The following LANCL2 variants were observed in gnomAD, a reference collection of about 807,000 sequenced individuals.
LANCL2 encodes lanC-like protein 2.
In LANCL2, 33 loss-of-function variants were observed where a neutral mutation model predicts 56.9. The observed-to-expected ratio is 0.58, with a 90% CI of 0.44 to 0.78. The LOEUF (loss-of-function observed/expected upper bound fraction) is 0.78, where lower values mean the gene tolerates loss of function less well. LANCL2 is among the 30% of genes least tolerant of loss of function. The probability of loss-of-function intolerance (pLI) is 0.00; values close to 1 mark genes in which losing one functional copy is unlikely to be tolerated. For missense variants in LANCL2, 562 were observed against 580.2 expected, an observed-to-expected ratio of 0.97 and a Z score of 0.32; for synonymous variants, 233 against 228.2, an observed-to-expected ratio of 1.02 and a Z score of -0.19.
intron 1 of LANCL2, among the ~76,000 whole-genome samples, chr7:55,369,054 AG>A (rs1789907894): frequency 6.6e-6 from 1 of 152,214 alleles, no homozygotes; most frequent in African/African-American, 2.4e-5. Context: ...ATGGAGGCAG[AG>A]ATTGGAATTG....
chr7:55,395,106 A>T (rs1790235489), intron 2 of LANCL2, among the ~76,000 whole-genome samples: 1 of 152,238 alleles, frequency 6.6e-6, no homozygotes, highest in Non-Finnish European at 1.5e-5. Context: ...TAGCAAGAGG[A>T]CACTGTTGGG....
chr7:55,417,352 C>T (rs934358293), intron 6 of LANCL2, among the ~76,000 whole-genome samples: 1 of 151,992 alleles, frequency 6.6e-6, no homozygotes, highest in Non-Finnish European at 1.5e-5. Flanking sequence ...TTTATTTTTC[C>T]CATTTGATTG....
chr7:55,411,177 A>G (rs1266183760), intron 5 of LANCL2, among the ~76,000 whole-genome samples: 7 of 152,322 alleles, frequency 4.6e-5, no homozygotes, highest in African/African-American at 9.6e-5. Flanking sequence ...AGGTTTTTTC[A>G]TGGGAAGCTG....
chr7:55,427,217 A>T (rs1349287565), intron 7 of LANCL2, among the ~76,000 whole-genome samples: 1 of 152,240 alleles, frequency 6.6e-6, no homozygotes, highest in Non-Finnish European at 1.5e-5. Context: ...AAGCTTTCAA[A>T]TCATGCCTGG....
rs35907460 is a variant in LANCL2, at chr7:55,408,979, C to CA, written c.826-2913dup. 7.6e-3 allele frequency among the ~76,000 whole-genome samples: 884 copies of CA among 116,046 alleles called. 4 individuals are homozygous for CA. The highest frequency in any genetic ancestry group is 8.6e-3 in the Middle Eastern group (2 of 232). 76.1% of individuals were successfully genotyped at this position (116,046 alleles called of 152,430 possible). On this transcript the variant is annotated intron_variant, in intron 5 of 8. Coordinates refer to ENST00000254770, the MANE Select transcript of LANCL2 (RefSeq NM_018697.4). ...CCTGGGCGACAGTGAAACTCTGTCT[C>CA]AAAAAAAAAAAAAAAGAAAAGAAAA...
At chr7:55,373,482 A>G (rs1477930976) in intron 1 of LANCL2, among the ~76,000 whole-genome samples, 1 of 151,196 alleles carries the variant, frequency 6.6e-6, no homozygotes, top group East Asian at 1.9e-4. Context: ...GTGTGTGGAG[A>G]TGGGGTCCTG....
chr7:55,432,646 GC>G lies in LANCL2; in HGVS notation c.*1330del, dbSNP rs1790743016. The G allele has an allele frequency of 6.7e-6, 1 of 148,808 alleles. No individual in the cohort carries two copies. The highest frequency in any genetic ancestry group is 6.6e-5 in the Admixed American group (1 of 15,196). The allele number at this position is 148,808 out of a possible 1,614,324, so 9.2% of individuals were successfully genotyped here. Reference sequence around the variant, plus strand: ...CAGGGGGAGGCCTGAGCATTTCCCAGCCCCAGTGTCCACACCTCTCAGAAAA... The same window carrying G: ...CAGGGGGAGGCCTGAGCATTTCCCAGCCCAGTGTCCACACCTCTCAGAAAA... On this transcript the variant is annotated 3_prime_UTR_variant, in exon 9 of 9. Coordinates refer to ENST00000254770, the MANE Select transcript of LANCL2 (RefSeq NM_018697.4).
intron 2 of LANCL2, among the ~76,000 whole-genome samples, chr7:55,397,910 T>G (rs749494712): frequency 3.6e-4 from 55 of 152,176 alleles, no homozygotes; most frequent in Non-Finnish European, 6.0e-4. Context: ...AGTTCATTGG[T>G]CAGTTGTAGG....
At chr7:55,392,021 G>C (rs567741895) in intron 2 of LANCL2, 111 bp downstream of exon 2, 4 of 621,134 alleles carry the variant, frequency 6.4e-6, no homozygotes, top group African/African-American at 3.6e-5. Flanking sequence ...GGCCAGGCAC[G>C]GTGGCTGACG....
intron 3 of LANCL2, 93 bp downstream of exon 3, chr7:55,398,723 A>G: frequency 1.0e-6 from 1 of 989,412 alleles, no homozygotes; most frequent in East Asian, 2.6e-5. Context: ...TTTTCCATTC[A>G]TCCATTGTTG....
At chr7:55,372,751 G>T (rs1789957308) in intron 1 of LANCL2, among the ~76,000 whole-genome samples, 1 of 152,072 alleles carries the variant, frequency 6.6e-6, no homozygotes, top group African/African-American at 2.4e-5. Flanking sequence ...TATATTTTCA[G>T]TGGAATACAG....
intron 1 of LANCL2, among the ~76,000 whole-genome samples, chr7:55,371,784 A>G (rs893481404): frequency 2.6e-5 from 4 of 152,168 alleles, no homozygotes; most frequent in Admixed American, 6.5e-5. Flanking sequence ...AATTTTCCAT[A>G]TTTTTGTTTT....
At chr7:55,389,747 A>G (rs947480314) in intron 1 of LANCL2, among the ~76,000 whole-genome samples, 7 of 152,220 alleles carry the variant, frequency 4.6e-5, no homozygotes, top group African/African-American at 1.7e-4. Flanking sequence ...GTAGATAAGG[A>G]AAGAAGGAAA....
chr7:55,391,786 A>G lies in LANCL2; in HGVS notation c.205-7A>G, dbSNP rs750754122. The G allele has an allele frequency of 6.9e-7, 1 of 1,452,852 alleles. No individual in the cohort carries two copies. Among genetic ancestry groups the G allele is most frequent in the African/African-American group, 1.4e-5 (1 of 71,220 alleles). The allele number at this position is 1,452,852 out of a possible 1,614,324, so 90.0% of individuals were successfully genotyped here. ...AAGTTAAAGTTATCTCTTCTTTTGG[A>G]TCTCAGATCATTCATAATTTCATAA... On this transcript the variant is annotated splice_polypyrimidine_tract_variant and splice_region_variant and intron_variant, in intron 1 of 8. Coordinates refer to ENST00000254770, the MANE Select transcript of LANCL2 (RefSeq NM_018697.4).
intron 2 of LANCL2, among the ~76,000 whole-genome samples, chr7:55,397,901 GTTCA>G (rs1790274151): frequency 1.3e-5 from 2 of 151,902 alleles, no homozygotes; most frequent in Non-Finnish European, 2.9e-5. Context: ...TCACTCACCA[GTTCA>G]TTGGTCAGTT....
intron 1 of LANCL2, among the ~76,000 whole-genome samples, chr7:55,389,114 G>C (rs528337180): frequency 6.6e-6 from 1 of 152,158 alleles, no homozygotes; most frequent in Non-Finnish European, 1.5e-5. Flanking sequence ...CTAAGGAAGC[G>C]AATTTGATGT....
In LANCL2 at chr7:55,425,248, G is replaced by C. The variant is rs919257975; in HGVS notation, c.1009-6G>C. On this transcript the variant is annotated splice_polypyrimidine_tract_variant and splice_region_variant and intron_variant, in intron 6 of 8. Transcript: ENST00000254770. ...TTTAACACTGCTTTGTTTTTAATTTGCCCAGGTCTTTAAGGAGGAGAAGTA... is the reference window on the plus strand; with the variant it reads ...TTTAACACTGCTTTGTTTTTAATTTCCCCAGGTCTTTAAGGAGGAGAAGTA... The C allele has an allele frequency of 4.3e-6, 7 of 1,611,256 alleles. No individual in the cohort carries two copies. In the African/African-American group the frequency reaches 9.4e-5, roughly 22 times the overall value.
At chr7:55,403,472 G>T (rs1019744833) in intron 5 of LANCL2, among the ~76,000 whole-genome samples, 58 of 152,130 alleles carry the variant, frequency 3.8e-4, no homozygotes, top group Admixed American at 1.6e-3. Context: ...GGGAGAGGGA[G>T]AGGAGGAGCC....
In LANCL2 at chr7:55,427,608, A is replaced by C. The variant is rs1421682244; in HGVS notation, c.1186-767A>C. 3.9e-5 allele frequency among the ~76,000 whole-genome samples: 6 copies of C among 152,344 alleles called. No homozygotes were observed. In the South Asian group the frequency reaches 8.3e-4, roughly 21 times the overall value. On this transcript the variant is annotated intron_variant, in intron 7 of 8. Coordinates refer to ENST00000254770, the MANE Select transcript of LANCL2 (RefSeq NM_018697.4). ...AAGGTCTTTCTGTTGTCTGACTCGG[A>C]AAACTGGGTAGATGGGCCATCAAAC...
Sources: allele counts gnomAD v4.1 joint callset (sites outside exome capture counted in the v4.1 genomes callset), GRCh38; gene constraint gnomAD v4.1.1; transcripts MANE v1.5; gene names NCBI Gene and HGNC (gene_info 2026-07-23, HGNC 2026-07-21).